PNPT1: variants seen among roughly 807,000 people sequenced by gnomAD.
The protein encoded by PNPT1 is polyribonucleotide nucleotidyltransferase 1.
Under a neutral mutation model 119.5 loss-of-function variants are expected in PNPT1, and 53 were observed. That is an observed-to-expected ratio of 0.44 (90% CI 0.36 to 0.56). The LOEUF (loss-of-function observed/expected upper bound fraction) is 0.56. Ranked by LOEUF, PNPT1 falls within the 20% of genes least tolerant of loss-of-function variation. The probability of loss-of-function intolerance (pLI) is 0.00; values close to 1 mark genes in which losing one functional copy is unlikely to be tolerated. For missense variants in PNPT1, 948 were observed against 938.5 expected, an observed-to-expected ratio of 1.01 and a Z score of -0.13; for synonymous variants, 357 against 322.1, an observed-to-expected ratio of 1.11 and a Z score of -1.16.
chr2:55,673,115 A>G (rs779643280), intron 8 of PNPT1, 36 bp from the exon 9 acceptor site: 4 of 1,461,954 alleles, frequency 2.7e-6, no homozygotes, highest in Non-Finnish European at 3.7e-6. Flanking sequence ...AATGACTGCC[A>G]TCGAAGCTCT....
chr2:55,672,398 G>C (rs944783588), intron 9 of PNPT1, among the ~76,000 whole-genome samples: 1 of 152,054 alleles, frequency 6.6e-6, no homozygotes, highest in African/African-American at 2.4e-5. Context: ...TTGCTAGAAA[G>C]AGTTAATTTA....
intron 18 of PNPT1, among the ~76,000 whole-genome samples, chr2:55,654,127 C>T (rs910099825): frequency 4.6e-5 from 7 of 151,976 alleles, no homozygotes; most frequent in East Asian, 1.9e-4. Context: ...CGTGGTAGCA[C>T]GCACCTGTAA....
intron 1 of PNPT1, among the ~76,000 whole-genome samples, chr2:55,691,730 T>C (rs1240662455): frequency 2.0e-5 from 3 of 151,788 alleles, no homozygotes; most frequent in Admixed American, 2.0e-4. Context: ...TCCACTTCCC[T>C]CAAAAATCAG....
intron 18 of PNPT1, among the ~76,000 whole-genome samples, chr2:55,651,139 G>T (rs1263895202): frequency 1.4e-5 from 2 of 147,024 alleles, no homozygotes; most frequent in East Asian, 2.1e-4. Flanking sequence ...CTGCCCGGCC[G>T]CCCCTACTGG....
chr2:55,671,464 T>TATAA, intron 10 of PNPT1, 88 bp from the exon 11 acceptor site: 1 of 718,532 alleles, frequency 1.4e-6, no homozygotes, highest in Non-Finnish European at 2.2e-6. Context: ...GAACACATTG[T>TATAA]GAATTACTCT....
chr2:55,674,317 A>G (rs782627), intron 8 of PNPT1, among the ~76,000 whole-genome samples: 141,645 of 152,298 alleles, frequency 0.93, 66,419 homozygotes, highest in African/African-American at 0.96. Flanking sequence ...ATAGAGGCTG[A>G]GCGTGGTGGC....
At chr2:55,656,276 C>A (rs1214471937) in intron 16 of PNPT1, 29 bp downstream of exon 16, 1 of 1,610,666 alleles carries the variant, frequency 6.2e-7, no homozygotes, top group Non-Finnish European at 8.5e-7. Context: ...TGTAAGAATA[C>A]CGTATTAAGT....
chr2:55,679,087 C>T (rs1697170665), intron 8 of PNPT1, among the ~76,000 whole-genome samples: 1 of 152,184 alleles, frequency 6.6e-6, no homozygotes, highest in Non-Finnish European at 1.5e-5. Context: ...ATTCTGACTG[C>T]TAAAGCCCAT....
chr2:55,693,590 G>A lies in PNPT1; in HGVS notation c.161+73C>T, dbSNP rs1039529505. ...AGCTGGGATACCGGGTTTCTACCCTGGGAGATGAATACGCTCAAGCTGGCT... is the reference window on the plus strand; with the variant it reads ...AGCTGGGATACCGGGTTTCTACCCTAGGAGATGAATACGCTCAAGCTGGCT... On this transcript the variant is annotated intron_variant, in intron 1 of 27. Transcript: ENST00000447944. 47 of 1,576,064 alleles carry A rather than the reference G, an allele frequency of 3.0e-5. No individual in the cohort carries two copies. In the Admixed American group the frequency reaches 7.9e-4, roughly 26 times the overall value.
rs748230562 is a variant in PNPT1, at chr2:55,645,381, C to T, written c.1790G>A (p.Arg597Gln). The T allele has an allele frequency of 1.9e-6, 3 of 1,612,256 alleles. No homozygotes were observed. The highest frequency in any genetic ancestry group is 1.1e-5 in the South Asian group (1 of 90,988). Reference protein sequence around the residue: ...QIMNKTISKPRASRKENGPVV... With the variant: ...QIMNKTISKPQASRKENGPVV... ...AGGTCCATTTTCTTTTCTAGATGCT[C>T]GAGGTTTTGAAATAGTTTTGTTCAT... The change falls in exon 22 of 28, where the codon CGA becomes CAA. Residue 597 changes from arginine to glutamine, a missense_variant. Transcript: ENST00000447944.
chr2:55,650,334 G>A (rs1305190912), intron 18 of PNPT1, among the ~76,000 whole-genome samples: 2 of 151,596 alleles, frequency 1.3e-5, no homozygotes, highest in African/African-American at 2.4e-5. Context: ...TGGTGGAGAC[G>A]GGGTTTCGCT....
At chr2:55,686,837 T>C (rs1258369914) in intron 2 of PNPT1, among the ~76,000 whole-genome samples, 1 of 152,102 alleles carries the variant, frequency 6.6e-6, no homozygotes, top group Non-Finnish European at 1.5e-5. Flanking sequence ...ATGTTAAACG[T>C]CACTTAATAC....
chr2:55,662,810 T>G (rs561772304), intron 13 of PNPT1, among the ~76,000 whole-genome samples: 1 of 152,050 alleles, frequency 6.6e-6, no homozygotes, highest in Non-Finnish European at 1.5e-5. Context: ...CAGGGCCCAT[T>G]CTCAAGAATA....
intron 4 of PNPT1, among the ~76,000 whole-genome samples, chr2:55,684,534 G>C (rs572836510): frequency 1.3e-3 from 200 of 152,314 alleles, no homozygotes; most frequent in African/African-American, 4.7e-3. Context: ...GGATGTTAAA[G>C]ATTTGAAAGA....
chr2:55,692,572 G>C (rs1015283229), intron 1 of PNPT1, among the ~76,000 whole-genome samples: 14 of 151,966 alleles, frequency 9.2e-5, no homozygotes, highest in Non-Finnish European at 1.9e-4. Flanking sequence ...GCAAAAAACA[G>C]AAATTCAAAA....
At chr2:55,642,909 G>T (rs891987941) in intron 25 of PNPT1, among the ~76,000 whole-genome samples, 1 of 152,152 alleles carries the variant, frequency 6.6e-6, no homozygotes, top group Non-Finnish European at 1.5e-5. Flanking sequence ...TTGAGGCCAG[G>T]AGTTTAAGAC....
chr2:55,687,869 G>A (rs1697462567), intron 1 of PNPT1, among the ~76,000 whole-genome samples, 164 bp from the exon 2 acceptor site: 1 of 152,092 alleles, frequency 6.6e-6, no homozygotes, highest in South Asian at 2.1e-4. Flanking sequence ...AAGTAAAAGT[G>A]GAATTTAAGA....
rs71372278 is a variant in PNPT1, at chr2:55,650,930, G to T, written c.1496-3477C>A. Reference sequence around the variant, plus strand: ...AGCCCCCCGCCCGGCCAGCCGCCCCGTCCGGGAGGGAGGTGGGGGGATCAG... The same window carrying T: ...AGCCCCCCGCCCGGCCAGCCGCCCCTTCCGGGAGGGAGGTGGGGGGATCAG... On this transcript the variant is annotated intron_variant, in intron 18 of 27. Transcript: ENST00000447944. Among the ~76,000 whole-genome samples, 19 of 148,782 alleles carry T rather than the reference G, an allele frequency of 1.3e-4. No individual in the cohort carries two copies. The East Asian group carries it at 3.9e-3, about 31-fold the overall frequency.
intron 14 of PNPT1, among the ~76,000 whole-genome samples, chr2:55,661,292 C>G (rs778054621): frequency 6.6e-6 from 1 of 151,710 alleles, no homozygotes; most frequent in Non-Finnish European, 1.5e-5. Context: ...GGAATTTCAC[C>G]GTTTTAGCCA....
Sources: allele counts gnomAD v4.1 joint callset (sites outside exome capture counted in the v4.1 genomes callset), GRCh38; gene constraint gnomAD v4.1.1; transcripts MANE v1.5; gene names NCBI Gene and HGNC (gene_info 2026-07-23, HGNC 2026-07-21).